Variants in KLRG1 observed in about 807,000 individuals in gnomAD.
The protein encoded by KLRG1 is killer cell lectin-like receptor subfamily G member 1.
Under a neutral mutation model 21.8 loss-of-function variants are expected in KLRG1, and 16 were observed. The observed-to-expected ratio is 0.73, with a 90% CI of 0.50 to 1.11. KLRG1 has a LOEUF of 1.11. KLRG1 is among the 50% of genes most tolerant of loss of function. The probability of loss-of-function intolerance (pLI) is 0.00; values close to 1 mark genes in which losing one functional copy is unlikely to be tolerated. For synonymous variants in KLRG1, 69 were observed against 75.9 expected (o/e 0.91, Z 0.47); for missense variants, 173 against 218.3 (o/e 0.79, Z 1.31).
chr12:9,149,415 T>A, the KLRG1 span: 1 of 722,038 alleles, frequency 1.4e-6, no homozygotes, highest in South Asian at 2.5e-5. Flanking sequence ...ATAGGCATGC[T>A]ACGCCACAGT....
At chr12:9,124,667 A>AC in the KLRG1 span, among the ~76,000 whole-genome samples, 8 of 151,690 alleles carry the variant, frequency 5.3e-5, no homozygotes, top group Non-Finnish European at 1.2e-4. Context: ...AGCCGGGAAG[A>AC]CCCTCCCCTT....
chr12:9,099,426 A>G, the KLRG1 span: 1 of 1,586,296 alleles, frequency 6.3e-7, no homozygotes. Context: ...CAGAATCCCC[A>G]ATCACGTCCC....
chr12:9,010,379 C>G lies in KLRG1; in HGVS notation c.*842C>G, dbSNP rs955025504. Reference sequence around the variant, plus strand: ...TGATTGTATCTTTTCCATTATGTGACTGTTTGACCTGCATATTAATTTCAA... The same window carrying G: ...TGATTGTATCTTTTCCATTATGTGAGTGTTTGACCTGCATATTAATTTCAA... On this transcript the variant is annotated 3_prime_UTR_variant, in exon 5 of 5. Transcript: ENST00000356986. 5 of 179,410 alleles carry G rather than the reference C, an allele frequency of 2.8e-5. No homozygotes were observed. Among genetic ancestry groups the G allele is most frequent in the Non-Finnish European group, 4.6e-5 (4 of 86,206 alleles). The allele number at this position is 179,410 out of a possible 1,614,324, so 11.1% of individuals were successfully genotyped here.
chr12:9,029,508 T>C, the KLRG1 span, among the ~76,000 whole-genome samples: 3 of 152,096 alleles, frequency 2.0e-5, no homozygotes, highest in South Asian at 6.2e-4. Context: ...CTGGCCTGAA[T>C]ACACTGTTAT....
the KLRG1 span, chr12:9,101,096 G>A: frequency 6.6e-7 from 1 of 1,520,898 alleles, no homozygotes; most frequent in South Asian, 1.2e-5. Context: ...GTGTAAGGCT[G>A]AATGGGTCAG....
At chr12:9,131,297 A>G in the KLRG1 span, among the ~76,000 whole-genome samples, 1 of 151,886 alleles carries the variant, frequency 6.6e-6, no homozygotes, top group Non-Finnish European at 1.5e-5. Context: ...TTGGGGATGG[A>G]TTTTCTTTTT....
the KLRG1 span, among the ~76,000 whole-genome samples, chr12:9,195,781 C>G: frequency 2.0e-5 from 3 of 151,270 alleles, no homozygotes; most frequent in African/African-American, 7.3e-5. Flanking sequence ...AATTATAAAA[C>G]AGGTAAAATT....
the KLRG1 span, chr12:9,069,740 C>T: frequency 1.2e-6 from 2 of 1,609,138 alleles, no homozygotes; most frequent in Non-Finnish European, 1.7e-6. Context: ...TGGAAGTTCT[C>T]TTACCTTATC....
chr12:8,992,118 CT>C lies in KLRG1; in HGVS notation c.83-85del. On this transcript the variant is annotated intron_variant, in intron 1 of 4. Transcript: ENST00000356986. Reference sequence around the variant, plus strand: ...TCTCAGTTCCCACTAGGCCAAATTGCTTTAAGATGCGATATCCTTCCCTGAC... The same window carrying C: ...TCTCAGTTCCCACTAGGCCAAATTGCTTAAGATGCGATATCCTTCCCTGAC... 2.7e-6 allele frequency: 3 copies of C among 1,127,792 alleles called. No homozygotes were observed. The South Asian group carries it at 4.6e-5, about 17-fold the overall frequency. The allele number at this position is 1,127,792 out of a possible 1,614,324, so 69.9% of individuals were successfully genotyped here.
the KLRG1 span, among the ~76,000 whole-genome samples, chr12:9,037,534 A>G: frequency 1.3e-5 from 2 of 152,168 alleles, no homozygotes; most frequent in African/African-American, 4.8e-5. Context: ...AAATTTTTTA[A>G]AATGAATTTA....
At chr12:9,200,752 C>T in the KLRG1 span, 1 of 910,750 alleles carries the variant, frequency 1.1e-6, no homozygotes, top group Non-Finnish European at 1.7e-6. Flanking sequence ...TCTGTGTTCA[C>T]ACCGTCCTAA....
the KLRG1 span, among the ~76,000 whole-genome samples, chr12:9,075,602 GACAA>G: frequency 3.3e-5 from 5 of 152,174 alleles, no homozygotes; most frequent in African/African-American, 4.8e-5. Flanking sequence ...ATAAAAAGCA[GACAA>G]ACAAAAAACT....
the KLRG1 span, chr12:9,127,968 C>A: frequency 3.2e-6 from 1 of 314,454 alleles, no homozygotes; most frequent in South Asian, 3.2e-5. Flanking sequence ...GATTGACACC[C>A]GCCGCCTGGC....
chr12:9,190,029 TA>T, the KLRG1 span, among the ~76,000 whole-genome samples: 1 of 152,158 alleles, frequency 6.6e-6, no homozygotes, highest in Admixed American at 6.5e-5. Flanking sequence ...AGGGAATGCT[TA>T]TACACTCTTG....
the KLRG1 span, chr12:9,128,171 G>A: frequency 2.0e-5 from 4 of 200,326 alleles, no homozygotes; most frequent in Admixed American, 1.5e-4. Flanking sequence ...CAGTGCTGCG[G>A]GTGGCCAGGT....
At chr12:9,160,439 G>A in the KLRG1 span, 1 of 1,613,918 alleles carries the variant, frequency 6.2e-7, no homozygotes. Flanking sequence ...ACAGCCATAT[G>A]GCATCTGGAG....
chr12:9,112,030 G>A, the KLRG1 span: 1 of 888,662 alleles, frequency 1.1e-6, no homozygotes, highest in Non-Finnish European at 1.9e-6. Flanking sequence ...ATCTTGTGCT[G>A]TTGTAATGCC....
At chr12:9,062,811 G>A in the KLRG1 span, among the ~76,000 whole-genome samples, 1 of 148,644 alleles carries the variant, frequency 6.7e-6, no homozygotes. Context: ...TATTGTGTTA[G>A]GTGATTTTTT....
the KLRG1 span, among the ~76,000 whole-genome samples, chr12:9,016,966 A>C: frequency 7.1e-4 from 108 of 152,232 alleles, no homozygotes; most frequent in African/African-American, 2.6e-3. Context: ...CACTCATTCT[A>C]TGAGGCCAGT....
Sources: allele counts gnomAD v4.1 joint callset (sites outside exome capture counted in the v4.1 genomes callset), GRCh38; gene constraint gnomAD v4.1.1; transcripts MANE v1.5; gene names NCBI Gene and HGNC (gene_info 2026-07-23, HGNC 2026-07-21).